Variants in GARS1 observed in about 807,000 individuals in gnomAD.
GARS1 encodes the protein glycyl-tRNA synthetase 1, also known as glycine--tRNA ligase.
GARS1 carries 46 observed loss-of-function variants against 86.4 expected under a neutral mutation model. That is an observed-to-expected ratio of 0.53 (90% CI 0.42 to 0.68). GARS1 has a LOEUF of 0.68. Ranked by LOEUF, GARS1 falls within the 30% of genes least tolerant of loss-of-function variation. The pLI is 0.00. For synonymous variants in GARS1, 342 were observed against 329.8 expected (o/e 1.04, Z -0.40); for missense variants, 797 against 915.6 (o/e 0.87, Z 1.67).
chr7:30,615,825 G>A lies in GARS1; in HGVS notation c.1032-71G>A, dbSNP rs550669561. On this transcript the variant is annotated intron_variant, in intron 8 of 16. Coordinates refer to ENST00000389266, the MANE Select transcript of GARS1 (RefSeq NM_002047.4). ...TCACTAGAATGCAGTTGAAAATAGA[G>A]GCCTTGTTTTTTGTTTGTTTGTTTT... is the stretch of plus-strand genomic sequence containing the variant. 2.1e-5 allele frequency: 32 copies of A among 1,507,276 alleles called. 1 individual carries two copies. The South Asian group carries it at 3.0e-4, about 14-fold the overall frequency. 93.4% of individuals were successfully genotyped at this position (1,507,276 alleles called of 1,614,324 possible).
At chr7:30,611,214 T>C (rs975027016) in intron 7 of GARS1, among the ~76,000 whole-genome samples, 1 of 152,176 alleles carries the variant, frequency 6.6e-6, no homozygotes, top group African/African-American at 2.4e-5. Context: ...GTTGAAAATA[T>C]AAAATACTGC....
At chr7:30,604,471 A>G (rs886169378) in intron 6 of GARS1, among the ~76,000 whole-genome samples, 4 of 151,944 alleles carry the variant, frequency 2.6e-5, no homozygotes, top group Non-Finnish European at 4.4e-5. Context: ...ACTCCCTAAT[A>G]TGTTGTTTTT....
chr7:30,616,071 A>G lies in GARS1; in HGVS notation c.1194+13A>G, dbSNP rs1365323119. ...TGCTGTTGAACAGGTAGGATTCTGG[A>G]GGTAACTTAACTTAGATTGTGCCTG... is the stretch of plus-strand genomic sequence containing the variant. On this transcript the variant is annotated intron_variant, in intron 9 of 16. Transcript: ENST00000389266. 3 of 1,613,950 alleles carry G rather than the reference A, an allele frequency of 1.9e-6. No individual in the cohort carries two copies. The highest frequency in any genetic ancestry group is 2.5e-6 in the Non-Finnish European group (3 of 1,179,996).
intron 6 of GARS1, among the ~76,000 whole-genome samples, chr7:30,607,758 C>CT (rs1300365877): frequency 1.3e-5 from 2 of 152,122 alleles, no homozygotes; most frequent in African/African-American, 4.8e-5. Context: ...AAAGGCAAAT[C>CT]TAAAAAACAA....
intron 10 of GARS1, among the ~76,000 whole-genome samples, chr7:30,620,128 C>CAAAAA (rs34149226): frequency 6.8e-6 from 1 of 147,986 alleles, no homozygotes. Flanking sequence ...GGATCAAGGG[C>CAAAAA]AAAAAAAAAA....
rs192467592 is a variant in GARS1, at chr7:30,621,789, C to T, written c.1467+289C>T. Reference sequence around the variant, plus strand: ...TAGTTTTTCTCAGCTGTTTCCAAAACGCACTTCACACCTGCACCTACCTAC... The same window carrying T: ...TAGTTTTTCTCAGCTGTTTCCAAAATGCACTTCACACCTGCACCTACCTAC... On this transcript the variant is annotated intron_variant, in intron 11 of 16. Coordinates refer to ENST00000389266, the MANE Select transcript of GARS1 (RefSeq NM_002047.4). 56 of 496,866 alleles carry T rather than the reference C, an allele frequency of 1.1e-4. No individual in the cohort carries two copies. In the East Asian group the frequency reaches 1.9e-3, roughly 16 times the overall value. The allele number at this position is 496,866 out of a possible 1,614,324, so 30.8% of individuals were successfully genotyped here.
chr7:30,617,221 G>T lies in GARS1; in HGVS notation c.1302G>T (p.Glu434Asp). 1.2e-6 allele frequency: 2 copies of T among 1,613,998 alleles called. No homozygotes were observed. The highest frequency in any genetic ancestry group is 1.3e-5 in the African/African-American group (1 of 75,046). ...AACTCCGCTTCCGGCAGCACATGGA[G>T]AATGAGATGGCCCATTATGCCTGTG... Reference protein sequence around the residue: ...PDKLRFRQHMENEMAHYACDC... With the variant: ...PDKLRFRQHMDNEMAHYACDC... Residue 434 changes from glutamate (E) to aspartate (D), a missense_variant, in exon 10 of 17, where the codon GAG becomes GAT. Physicochemically the swap from Glu to Asp is conservative, Grantham distance 45. Coordinates refer to ENST00000389266, the MANE Select transcript of GARS1 (RefSeq NM_002047.4).
rs200025018 is a variant in GARS1, at chr7:30,599,974, A to G, written c.352A>G (p.Ile118Val). The change falls in exon 3 of 17, where the codon ATT becomes GTT. Residue 118 changes from isoleucine to valine, a missense_variant. Transcript: ENST00000389266. ...GCTGGCGTTACAGCCCAAAGATGAT[A>G]TTGTAGACCGAGCAAAAATGGAAGA... Reference protein sequence around the residue: ...KELALQPKDDIVDRAKMEDTL... With the variant: ...KELALQPKDDVVDRAKMEDTL... 1.5e-5 allele frequency: 24 copies of G among 1,613,808 alleles called. No individual in the cohort carries two copies. The highest frequency in any genetic ancestry group is 2.0e-5 in the Non-Finnish European group (24 of 1,179,876).
At chr7:30,613,665 G>A (rs944758539) in intron 8 of GARS1, among the ~76,000 whole-genome samples, 1 of 152,202 alleles carries the variant, frequency 6.6e-6, no homozygotes, top group African/African-American at 2.4e-5. Context: ...AGGCTCTGGG[G>A]CTTCTCAACA....
intron 6 of GARS1, among the ~76,000 whole-genome samples, chr7:30,604,695 T>G (rs572920851): frequency 4.4e-4 from 67 of 152,346 alleles, no homozygotes; most frequent in African/African-American, 1.5e-3. Flanking sequence ...GCTCATTGTT[T>G]TAGTAATTAC....
At chr7:30,623,078 G>T (rs1783050312) in intron 12 of GARS1, among the ~76,000 whole-genome samples, 1 of 144,044 alleles carries the variant, frequency 6.9e-6, no homozygotes, top group African/African-American at 2.6e-5. Context: ...TCCAGCCTGG[G>T]CAACAGAGTG....
intron 11 of GARS1, chr7:30,622,089 C>T: frequency 9.1e-6 from 5 of 550,490 alleles, no homozygotes; most frequent in Admixed American, 9.0e-5. Flanking sequence ...TCTCTTTTTT[C>T]TCACTGTAAC....
intron 16 of GARS1, 117 bp from the exon 17 acceptor site, chr7:30,633,618 C>A: frequency 1.6e-6 from 2 of 1,239,522 alleles, no homozygotes; most frequent in Non-Finnish European, 2.3e-6. Flanking sequence ...AGCATGAACC[C>A]ATGCCTGGCA....
chr7:30,623,177 A>G (rs913497477), intron 12 of GARS1, among the ~76,000 whole-genome samples: 4 of 151,852 alleles, frequency 2.6e-5, no homozygotes, highest in Admixed American at 2.6e-4. Context: ...TGAACAGTGT[A>G]AAACTTACAA....
At chr7:30,631,987 G>GA in intron 15 of GARS1, 1 of 482,646 alleles carries the variant, frequency 2.1e-6, no homozygotes. Context: ...GGTGGAGTCA[G>GA]GACTCACCTT....
At chr7:30,600,962 C>A in intron 3 of GARS1, 97 bp from the exon 4 acceptor site, 1 of 1,144,386 alleles carries the variant, frequency 8.7e-7, no homozygotes, top group Non-Finnish European at 1.3e-6. Context: ...CTTGAATACA[C>A]TTTTAGGGAG....
chr7:30,600,247 C>G (rs1367315038), intron 3 of GARS1, among the ~76,000 whole-genome samples, 198 bp downstream of exon 3: 1 of 152,204 alleles, frequency 6.6e-6, no homozygotes, highest in Non-Finnish European at 1.5e-5. Context: ...TATTCCTGGA[C>G]AGCACTTTTT....
Position 30,603,376 on chromosome 7 carries a change from G to C in GARS1, c.659-120G>C, listed in dbSNP as rs1791419278. 1.8e-4 allele frequency: 150 copies of C among 839,336 alleles called. 2 individuals are homozygous for C. The South Asian group carries it at 2.2e-3, about 12-fold the overall frequency. 52.0% of individuals were successfully genotyped at this position (839,336 alleles called of 1,614,324 possible). A position where few individuals can be genotyped will look rare whatever the true frequency, so the allele number is the denominator to read the frequency against. ...GACTGCTGTTGTAAAATCAACTGTG[G>C]GATTCATGTAAATTAAGAACTTTAT... On this transcript the variant is annotated intron_variant, in intron 5 of 16. Coordinates refer to ENST00000389266, the MANE Select transcript of GARS1 (RefSeq NM_002047.4).
Position 30,601,095 on chromosome 7 carries a change from G to A in GARS1, c.464G>A (p.Cys155Tyr). 1.2e-6 allele frequency: 2 copies of A among 1,614,052 alleles called. No individual in the cohort carries two copies. The highest frequency in any genetic ancestry group is 1.7e-6 in the Non-Finnish European group (2 of 1,179,928). Residue 155 changes from cysteine to tyrosine, a missense_variant, in exon 4 of 17, where the codon TGT (cysteine) becomes TAT (tyrosine). Cys to Tyr is a radical substitution (Grantham distance 194, BLOSUM62 -2). Around this residue, in one of 2 missense-constraint regions of GARS1, gnomAD observed 598 missense variants for 738.7 expected, o/e 0.81. Transcript: ENST00000389266. The part of the protein sequence containing the change: ...SGLYDFGPVG[C>Y]ALKNNIIQTW... ...CTGTATGACTTTGGGCCAGTTGGCT[G>A]TGCTTTGAAGAACAATATTATTCAG...
Sources: gnomAD v4.1 joint callset for allele counts (sites outside exome capture counted in the v4.1 genomes callset) on GRCh38, gnomAD v4.1.1 for gene constraint, gnomAD v4.1.1 regional missense constraint, MANE v1.5 for transcripts, NCBI Gene and HGNC (gene_info 2026-07-23, HGNC 2026-07-21) for gene names.